Variants in CSMD3 observed in about 807,000 individuals in gnomAD.
CSMD3 encodes CUB and sushi domain-containing protein 3.
CSMD3 carries 177 observed loss-of-function variants against 435.2 expected under a neutral mutation model. The observed-to-expected ratio is 0.41, with a 90% CI of 0.36 to 0.46. The LOEUF is 0.46. Among genes scored for constraint, CSMD3 ranks in the 20% least tolerant of loss-of-function variants. The pLI is 0.34. For synonymous variants in CSMD3, 1,656 were observed against 1,520.5 expected, an observed-to-expected ratio of 1.09 and a Z score of -2.07; for missense variants, 4,265 against 4,504.6, an observed-to-expected ratio of 0.95 and a Z score of 1.52.
chr8:112,666,468 A>G (rs1388144714), intron 16 of CSMD3, 53 bp from the exon 17 acceptor site: 3 of 1,508,776 alleles, frequency 2.0e-6, no homozygotes, highest in African/African-American at 2.8e-5. Context: ...TAAATCGCAG[A>G]TATTATTCTT....
intron 32 of CSMD3, among the ~76,000 whole-genome samples, chr8:112,417,670 T>C (rs1812059747): frequency 6.6e-6 from 1 of 152,194 alleles, no homozygotes; most frequent in Admixed American, 6.5e-5. Flanking sequence ...TGCACTTCTC[T>C]GTCTACTTGA....
intron 13 of CSMD3, among the ~76,000 whole-genome samples, chr8:112,788,250 A>G (rs1355341484): frequency 6.6e-6 from 1 of 152,110 alleles, no homozygotes; most frequent in Non-Finnish European, 1.5e-5. Context: ...TGCATTGGAG[A>G]AATGGACATC....
chr8:112,997,594 G>T (rs1444330599), intron 6 of CSMD3, among the ~76,000 whole-genome samples: 1 of 151,670 alleles, frequency 6.6e-6, no homozygotes, highest in African/African-American at 2.4e-5. Context: ...TGGTCAAGGA[G>T]ATATTATATC....
At chr8:112,892,974 T>C (rs371156377) in intron 10 of CSMD3, among the ~76,000 whole-genome samples, 3 of 151,442 alleles carry the variant, frequency 2.0e-5, no homozygotes, top group Admixed American at 6.6e-5. Context: ...AATAAATGAA[T>C]AGATAAATTA....
intron 32 of CSMD3, among the ~76,000 whole-genome samples, chr8:112,410,585 C>CATATGTATATATATATGTGTATATAT (rs1563912664): frequency 0.023 from 1,712 of 74,040 alleles, 170 homozygotes; most frequent in African/African-American, 0.031. Context: ...TATATACATA[C>CATATGTATATATATATGTGTATATAT]ATATGTATAT....
In CSMD3 at chr8:113,019,078, G is replaced by C; in HGVS notation, c.1019C>G (p.Ala340Gly). ...DSNHRYRGFS[A>G]PYQGSSTLTH... is the part of the protein sequence containing the mutation. ...TTCCATAAGTATACCTTGATAGGGA[G>C]CACTAAATCCACGGTATCGATGATT... is the stretch of plus-strand genomic sequence containing the variant. The change falls in exon 6 of 71, where the codon GCT becomes GGT. Residue 340 changes from alanine (A) to glycine (G), a missense_variant. Ala to Gly is a moderately conservative substitution (Grantham distance 60). Around this residue, in one of 3 missense-constraint regions of CSMD3, gnomAD observed 731 missense variants for 755.4 expected, o/e 0.97. Transcript: ENST00000297405. 1 of 1,602,556 alleles carries C rather than the reference G, an allele frequency of 6.2e-7. No individual in the cohort carries two copies. Among genetic ancestry groups the C allele is most frequent in the Non-Finnish European group, 8.6e-7 (1 of 1,169,558 alleles).
At chr8:112,897,575 C>T (rs1203176771) in intron 10 of CSMD3, among the ~76,000 whole-genome samples, 1 of 151,116 alleles carries the variant, frequency 6.6e-6, no homozygotes, top group East Asian at 2.0e-4. Flanking sequence ...AATAATCTCC[C>T]AGATTAATTT....
chr8:112,792,426 T>C (rs1380612866), intron 13 of CSMD3, among the ~76,000 whole-genome samples: 2 of 152,138 alleles, frequency 1.3e-5, no homozygotes, highest in African/African-American at 2.4e-5. Flanking sequence ...CTCTGGTTCA[T>C]ATAAGGGCAC....
intron 11 of CSMD3, among the ~76,000 whole-genome samples, chr8:112,833,550 G>C (rs998812552): frequency 6.6e-6 from 1 of 151,660 alleles, no homozygotes; most frequent in Non-Finnish European, 1.5e-5. Context: ...AATATTTTAG[G>C]TTCTTCCTTT....
At chr8:112,937,253 GT>G (rs943733313) in intron 9 of CSMD3, among the ~76,000 whole-genome samples, 1 of 151,346 alleles carries the variant, frequency 6.6e-6, no homozygotes, top group Non-Finnish European at 1.5e-5. Context: ...GTAAGAGCTA[GT>G]TTTTATATGG....
At chr8:113,332,918 C>T (rs1442708861) in intron 1 of CSMD3, among the ~76,000 whole-genome samples, 2 of 151,488 alleles carry the variant, frequency 1.3e-5, no homozygotes, top group Non-Finnish European at 3.0e-5. Flanking sequence ...GTACTGGTGG[C>T]ATAAAGATGG....
At chr8:113,196,752 T>C (rs1252997757) in intron 3 of CSMD3, among the ~76,000 whole-genome samples, 1 of 151,242 alleles carries the variant, frequency 6.6e-6, no homozygotes, top group Non-Finnish European at 1.5e-5. Context: ...CTTAGAAATT[T>C]ATCATGGCGT....
At chr8:112,328,866 A>G (rs571732372) in intron 45 of CSMD3, among the ~76,000 whole-genome samples, 1 of 152,134 alleles carries the variant, frequency 6.6e-6, no homozygotes, top group African/African-American at 2.4e-5. Flanking sequence ...TCCCAGTCAT[A>G]TGGAACTGTG....
chr8:112,481,824 T>C (rs1245353386), intron 31 of CSMD3, among the ~76,000 whole-genome samples: 11 of 152,198 alleles, frequency 7.2e-5, no homozygotes. Context: ...TTGTTTCTTT[T>C]GTTCAAAAAT....
chr8:113,179,858 A>G (rs1410233130), intron 3 of CSMD3, among the ~76,000 whole-genome samples: 1 of 151,884 alleles, frequency 6.6e-6, no homozygotes, highest in Non-Finnish European at 1.5e-5. Context: ...AACATGTTAC[A>G]ACAGTCTCAT....
At chr8:112,366,666 G>T (rs1827808484) in intron 38 of CSMD3, among the ~76,000 whole-genome samples, 1 of 152,166 alleles carries the variant, frequency 6.6e-6, no homozygotes, top group South Asian at 2.1e-4. Context: ...CCAAAGTGCT[G>T]GGATTACAGG....
intron 1 of CSMD3, among the ~76,000 whole-genome samples, chr8:113,398,794 G>T (rs2094495526): frequency 6.6e-6 from 1 of 151,922 alleles, no homozygotes; most frequent in Admixed American, 6.6e-5. Context: ...AGCCATGATT[G>T]CTTCAGCTGG....
chr8:112,642,031 C>A (rs980497805), intron 20 of CSMD3, among the ~76,000 whole-genome samples: 1 of 151,946 alleles, frequency 6.6e-6, no homozygotes, highest in Non-Finnish European at 1.5e-5. Context: ...ATCGTAATTA[C>A]TTCTAGTAAG....
chr8:113,270,934 C>G (rs1057423408), intron 3 of CSMD3, among the ~76,000 whole-genome samples: 1 of 151,502 alleles, frequency 6.6e-6, no homozygotes. Flanking sequence ...ATGTAACAAA[C>G]TTGCACGTTG....
Sources: gnomAD v4.1 joint callset for allele counts (sites outside exome capture counted in the v4.1 genomes callset) on GRCh38, gnomAD v4.1.1 for gene constraint, gnomAD v4.1.1 regional missense constraint, MANE v1.5 for transcripts, NCBI Gene and HGNC (gene_info 2026-07-23, HGNC 2026-07-21) for gene names.